The following SLC6A20 variants were observed in gnomAD, a reference collection of about 807,000 sequenced individuals.
SLC6A20 encodes the protein sodium- and chloride-dependent transporter XTRP3.
Under a neutral mutation model 64.3 loss-of-function variants are expected in SLC6A20, and 73 were observed. The observed-to-expected ratio is 1.14, with a 90% CI of 0.94 to 1.38. SLC6A20 has a LOEUF of 1.38. Among genes scored for constraint, SLC6A20 ranks in the 40% most tolerant of loss-of-function variants. The probability of loss-of-function intolerance (pLI) is 0.00; values close to 1 mark genes in which losing one functional copy is unlikely to be tolerated. For missense variants in SLC6A20, 725 were observed against 772.8 expected (o/e 0.94, Z 0.73); for synonymous variants, 347 against 329.6 (o/e 1.05, Z -0.57).
At chr3:45,779,695 GTTC>G (rs1298840705) in intron 3 of SLC6A20, among the ~76,000 whole-genome samples, 5 of 152,220 alleles carry the variant, frequency 3.3e-5, no homozygotes, top group Non-Finnish European at 7.3e-5. Context: ...CTGTGCAGTA[GTTC>G]TTAATAGTGT....
At chr3:45,771,491 C>A in intron 5 of SLC6A20, 33 bp from the exon 6 acceptor site, 1 of 1,610,470 alleles carries the variant, frequency 6.2e-7, no homozygotes, top group South Asian at 1.1e-5. Flanking sequence ...GCTGATGATC[C>A]CTGGGTGGAA....
chr3:45,776,823 G>A (rs947292724), intron 3 of SLC6A20, among the ~76,000 whole-genome samples: 2 of 152,226 alleles, frequency 1.3e-5, no homozygotes, highest in African/African-American at 4.8e-5. Flanking sequence ...CTTGCATTTG[G>A]CGGGGCTCCA....
Position 45,765,640 on chromosome 3 carries a change from C to G in SLC6A20, c.1200G>C (p.Leu400=), listed in dbSNP as rs146071732. 3 of 1,614,082 alleles carry G rather than the reference C, an allele frequency of 1.9e-6. No individual in the cohort carries two copies. The highest frequency in any genetic ancestry group is 1.3e-5 in the African/African-American group (1 of 74,920). ...CCAGCATGCTCCCAATGCCCAGCAT[C>G]AGCAGCATGAAGAAGTAGAGCACCG... ...LWSVLYFFML[L]MLGIGSMLGN... Residue 400 remains leucine (L), a synonymous_variant, in exon 8 of 11, where the codon CTG becomes CTC. Coordinates refer to ENST00000358525, the MANE Select transcript of SLC6A20 (RefSeq NM_020208.4). This position sits in a 1 kb window ranked among gnomAD's most constrained non-coding sequence, Gnocchi z 4.2.
intron 1 of SLC6A20, among the ~76,000 whole-genome samples, chr3:45,795,047 C>T (rs571329769): frequency 4.9e-4 from 75 of 152,190 alleles, no homozygotes; most frequent in Non-Finnish European, 9.3e-4. Flanking sequence ...GGTTCATTTT[C>T]GTAAATACTT....
At chr3:45,761,231 C>T (rs368274349) in intron 9 of SLC6A20, among the ~76,000 whole-genome samples, 2 of 151,766 alleles carry the variant, frequency 1.3e-5, no homozygotes, top group Non-Finnish European at 2.9e-5. Context: ...TAACCCCCCC[C>T]CCTTTCCTGG....
chr3:45,762,508 T>C (rs771941952), intron 9 of SLC6A20, among the ~76,000 whole-genome samples: 2 of 152,190 alleles, frequency 1.3e-5, no homozygotes, highest in Non-Finnish European at 2.9e-5. Context: ...ACTGACTAAA[T>C]TTTGAATCTG....
intron 1 of SLC6A20, among the ~76,000 whole-genome samples, chr3:45,795,020 C>T (rs1700322377): frequency 6.6e-6 from 1 of 152,142 alleles, no homozygotes; most frequent in African/African-American, 2.4e-5. Context: ...GTGTTTAGCT[C>T]TTGGTCTTCT....
intron 3 of SLC6A20, among the ~76,000 whole-genome samples, chr3:45,779,214 G>A (rs971682938): frequency 2.9e-4 from 44 of 152,248 alleles, no homozygotes; most frequent in African/African-American, 1.0e-3. Context: ...AGAAGCCAAG[G>A]TGAAGGTGGT....
At chr3:45,760,992 G>A (rs1259046929) in intron 9 of SLC6A20, among the ~76,000 whole-genome samples, 1 of 152,210 alleles carries the variant, frequency 6.6e-6, no homozygotes, top group Non-Finnish European at 1.5e-5. Context: ...GTGTGGGTGT[G>A]ACGTCACCAG....
At chr3:45,759,530 C>T (rs1699624034) in intron 10 of SLC6A20, among the ~76,000 whole-genome samples, 1 of 152,224 alleles carries the variant, frequency 6.6e-6, no homozygotes, top group African/African-American at 2.4e-5. Context: ...GTGCTGTCTG[C>T]TGCGGTAGGC....
chr3:45,787,547 G>T (rs1175026258), intron 1 of SLC6A20, among the ~76,000 whole-genome samples: 1 of 152,206 alleles, frequency 6.6e-6, no homozygotes, highest in Admixed American at 6.5e-5. Flanking sequence ...CAGAGAGCCA[G>T]AGTCCATTGA....
intron 1 of SLC6A20, among the ~76,000 whole-genome samples, chr3:45,786,951 C>T (rs1372503720): frequency 6.6e-6 from 1 of 152,204 alleles, no homozygotes; most frequent in Non-Finnish European, 1.5e-5. Flanking sequence ...CTGGTGAATC[C>T]TTACTCATCA....
rs1559565926 is a variant in SLC6A20 at position 45,772,726 on chromosome 3, G to T, written c.583-111C>A. ...GGTATTCAGGCTGCACCGCCCAGCTGCTGACAGCTGGAAAAGGCATGGAGA... is the reference window on the plus strand; with the variant it reads ...GGTATTCAGGCTGCACCGCCCAGCTTCTGACAGCTGGAAAAGGCATGGAGA... On this transcript the variant is annotated intron_variant, in intron 4 of 10. Coordinates refer to ENST00000358525, the MANE Select transcript of SLC6A20 (RefSeq NM_020208.4). The T allele has an allele frequency of 6.1e-6, 5 of 822,512 alleles. No homozygotes were observed. In the South Asian group the frequency reaches 6.5e-5, roughly 11 times the overall value. The allele number at this position is 822,512 out of a possible 1,614,324, so 51.0% of individuals were successfully genotyped here. A position where few individuals can be genotyped will look rare whatever the true frequency, so the allele number is the denominator to read the frequency against.
chr3:45,771,500 AAT>A lies in SLC6A20; in HGVS notation c.694-44_694-43del, dbSNP rs765207398. 46 of 1,609,744 alleles carry A rather than the reference AAT, an allele frequency of 2.9e-5. No individual in the cohort carries two copies. In the South Asian group the frequency reaches 4.6e-4, roughly 16 times the overall value. ...GACAGGGCTGATGATCCCTGGGTGG[AAT>A]CCCAAATGCTCAGACCCGCAACAGG... On this transcript the variant is annotated intron_variant, in intron 5 of 10. Coordinates refer to ENST00000358525, the MANE Select transcript of SLC6A20 (RefSeq NM_020208.4).
In SLC6A20 at chr3:45,772,539, G is replaced by T; in HGVS notation, c.659C>A (p.Ala220Asp). 1 of 1,613,960 alleles carries T rather than the reference G, an allele frequency of 6.2e-7. No individual in the cohort carries two copies. The highest frequency in any genetic ancestry group is 8.5e-7 in the Non-Finnish European group (1 of 1,179,938). Residue 220 changes from alanine (A) to aspartate (D), a missense_variant, in exon 5 of 11, where the codon GCC becomes GAC. Transcript: ENST00000358525. ...GAACATGTACATGAGGCCATTGGTGGCTCCGTGGAGCGTGAGGCCCCTGAT... is the reference window on the plus strand; with the variant it reads ...GAACATGTACATGAGGCCATTGGTGTCTCCGTGGAGCGTGAGGCCCCTGAT... ...YLIRGLTLHG[A>D]TNGLMYMFTP...
intron 5 of SLC6A20, chr3:45,771,910 A>C (rs1204524695): frequency 5.4e-6 from 1 of 186,280 alleles, no homozygotes; most frequent in African/African-American, 2.4e-5. Flanking sequence ...GTGGCCTGGC[A>C]GGGGAGGTCT....
intron 1 of SLC6A20, among the ~76,000 whole-genome samples, chr3:45,783,776 T>C (rs1559570977): frequency 6.6e-6 from 1 of 152,232 alleles, no homozygotes; most frequent in Admixed American, 6.5e-5. Flanking sequence ...CCTAGCTTCA[T>C]CCTGCTCATG....
At chr3:45,781,057 T>TA (rs976604558) in intron 2 of SLC6A20, among the ~76,000 whole-genome samples, 4 of 152,028 alleles carry the variant, frequency 2.6e-5, no homozygotes, top group Non-Finnish European at 5.9e-5. Context: ...CCATCTCTAC[T>TA]AAAAATACAA....
chr3:45,775,255 G>A (rs1448606875), intron 4 of SLC6A20, among the ~76,000 whole-genome samples: 2 of 152,100 alleles, frequency 1.3e-5, no homozygotes, highest in Non-Finnish European at 2.9e-5. Flanking sequence ...ATCACCTGGC[G>A]AGCTTTTAAA....
Sources: gnomAD v4.1 joint callset for allele counts (sites outside exome capture counted in the v4.1 genomes callset) on GRCh38, gnomAD v4.1.1 for gene constraint, Gnocchi (gnomAD v3.1) non-coding constraint, MANE v1.5 for transcripts, NCBI Gene and HGNC (gene_info 2026-07-23, HGNC 2026-07-21) for gene names.